TWF2: variants seen among roughly 807,000 people sequenced by gnomAD.
TWF2 encodes twinfilin actin binding protein 2.
TWF2 carries 15 observed loss-of-function variants against 45.1 expected under a neutral mutation model. That is an observed-to-expected ratio of 0.33 (90% CI 0.22 to 0.51). The LOEUF (loss-of-function observed/expected upper bound fraction) is 0.51, where lower values mean the gene tolerates loss of function less well. Ranked by LOEUF, TWF2 falls within the 20% of genes least tolerant of loss-of-function variation. The probability of loss-of-function intolerance (pLI) is 0.97; values close to 1 mark genes in which losing one functional copy is unlikely to be tolerated. For missense variants in TWF2, 423 were observed against 469.1 expected (o/e 0.90, Z 0.91); for synonymous variants, 177 against 195.8 (o/e 0.90, Z 0.80).
At chr3:52,233,101 G>C (rs1042125441) in intron 2 of TWF2, among the ~76,000 whole-genome samples, 1 of 152,224 alleles carries the variant, frequency 6.6e-6, no homozygotes, top group African/African-American at 2.4e-5. Context: ...GCTGAAATGG[G>C]GCATCCAGCT....
intron 1 of TWF2, among the ~76,000 whole-genome samples, chr3:52,236,671 C>T (rs1292794314): frequency 6.6e-6 from 1 of 152,152 alleles, no homozygotes; most frequent in Admixed American, 6.5e-5. Context: ...CTCAGGTGCC[C>T]CCCCTTTGCA....
intron 3 of TWF2, 48 bp downstream of exon 3, chr3:52,231,896 G>A: frequency 6.3e-7 from 1 of 1,583,346 alleles, no homozygotes; most frequent in Non-Finnish European, 8.6e-7. Flanking sequence ...CTTGTTGCCT[G>A]GCTCAGCCCC....
chr3:52,229,575 C>T, intron 8 of TWF2, 86 bp downstream of exon 8: 5 of 1,558,394 alleles, frequency 3.2e-6, no homozygotes, highest in Non-Finnish European at 4.3e-6. Context: ...GATTCCTGCT[C>T]TGCCGTCATC....
intron 1 of TWF2, among the ~76,000 whole-genome samples, chr3:52,236,357 G>C (rs748917385): frequency 3.3e-4 from 50 of 152,042 alleles, no homozygotes; most frequent in Non-Finnish European, 6.2e-4. Flanking sequence ...AGAGCTGGAA[G>C]GTGAGAGCCA....
At chr3:52,232,546 CAGA>C (rs1247347573) in intron 2 of TWF2, among the ~76,000 whole-genome samples, 1 of 152,116 alleles carries the variant, frequency 6.6e-6, no homozygotes, top group Non-Finnish European at 1.5e-5. Flanking sequence ...GGGGCTCCAG[CAGA>C]AGAACCGCAG....
At chr3:52,234,004 C>T (rs1699703493) in intron 2 of TWF2, among the ~76,000 whole-genome samples, 1 of 151,938 alleles carries the variant, frequency 6.6e-6, no homozygotes, top group African/African-American at 2.4e-5. Context: ...AGTACAACTG[C>T]CTTTTTAAGG....
intron 3 of TWF2, 45 bp from the exon 4 acceptor site, chr3:52,231,584 G>T: frequency 1.3e-6 from 2 of 1,573,938 alleles, no homozygotes; most frequent in Non-Finnish European, 8.6e-7. Flanking sequence ...GGGCAGGGCT[G>T]CCTCTCCCGG....
In TWF2 at chr3:52,228,809, A is replaced by C. The variant is rs1699649612; in HGVS notation, c.*225T>G. The stretch of plus-strand genomic sequence containing the variant: ...CCCAGCCCCCTTAAGCCAGCCAGGC[A>C]GGGTCCCCGGACACCCTGGGCACAC... On this transcript the variant is annotated 3_prime_UTR_variant, in exon 9 of 9. Coordinates refer to ENST00000305533, the MANE Select transcript of TWF2 (RefSeq NM_007284.4). 3.0e-6 allele frequency: 2 copies of C among 663,758 alleles called. No homozygotes were observed. The highest frequency in any genetic ancestry group is 3.7e-5 in the African/African-American group (2 of 54,308). The allele number at this position is 663,758 out of a possible 1,614,324, so 41.1% of individuals were successfully genotyped here.
intron 2 of TWF2, chr3:52,232,348 G>A (rs887324556): frequency 2.2e-5 from 13 of 585,630 alleles, no homozygotes; most frequent in South Asian, 1.0e-4. Flanking sequence ...CATCCCCAGC[G>A]CGTGCACACA....
chr3:52,238,410 A>G (rs953509241), intron 1 of TWF2, among the ~76,000 whole-genome samples: 1 of 152,180 alleles, frequency 6.6e-6, no homozygotes, highest in Non-Finnish European at 1.5e-5. Flanking sequence ...TTCTCCTAAC[A>G]CACATAAACA....
Position 52,228,631 on chromosome 3 carries a change from T to C in TWF2, c.*403A>G, listed in dbSNP as rs1410203477. ...CAAGTCTTGATTTAAAAATATTTTA[T>C]TCTTTAGAAAATACAGCATTCAACC... On this transcript the variant is annotated 3_prime_UTR_variant, in exon 9 of 9. Coordinates refer to ENST00000305533, the MANE Select transcript of TWF2 (RefSeq NM_007284.4). The C allele has an allele frequency of 5.6e-6, 1 of 177,848 alleles. No individual in the cohort carries two copies. The highest frequency in any genetic ancestry group is 1.2e-5 in the Non-Finnish European group (1 of 84,380). 11.0% of individuals were successfully genotyped at this position (177,848 alleles called of 1,614,324 possible).
intron 1 of TWF2, 60 bp downstream of exon 1, chr3:52,238,932 G>GGT (rs1553616991): frequency 1.5e-5 from 23 of 1,562,790 alleles, no homozygotes; most frequent in Middle Eastern, 2.0e-4. Flanking sequence ...CGAGAGCCGG[G>GGT]GGGGGGCGCT....
chr3:52,230,526 TCTCTGACAGGAAGGGC>T (rs1311592249), intron 6 of TWF2, among the ~76,000 whole-genome samples: 1 of 151,964 alleles, frequency 6.6e-6, no homozygotes, highest in Non-Finnish European at 1.5e-5. Flanking sequence ...ACAGAGGGGA[TCTCTGACAGGAAGGGC>T]CTCGGGGCTG....
In TWF2 at chr3:52,230,087, G is replaced by T; in HGVS notation, c.610-17C>A. On this transcript the variant is annotated splice_polypyrimidine_tract_variant and intron_variant, in intron 6 of 8. Coordinates refer to ENST00000305533, the MANE Select transcript of TWF2 (RefSeq NM_007284.4). ...GTCCAGCTTCTGCCCAGGGCCAAGG[G>T]AAGATGGGAGAGCACCAGGTCGGGG... 6.4e-7 allele frequency: 1 copy of T among 1,561,688 alleles called. No individual in the cohort carries two copies. Among genetic ancestry groups the T allele is most frequent in the East Asian group, 2.3e-5 (1 of 43,770 alleles).
At chr3:52,237,931 C>CT (rs1238109965) in intron 1 of TWF2, among the ~76,000 whole-genome samples, 1 of 152,244 alleles carries the variant, frequency 6.6e-6, no homozygotes, top group African/African-American at 2.4e-5. Context: ...GCCAGGCTGT[C>CT]TGGGCAAACA....
At chr3:52,232,358 A>ACCCC (rs1019674779) in intron 2 of TWF2, 3 of 556,228 alleles carry the variant, frequency 5.4e-6, no homozygotes, top group Admixed American at 3.4e-5. Context: ...GCGTGCACAC[A>ACCCC]CCCCCCCACA....
chr3:52,235,022 C>A lies in TWF2; in HGVS notation c.103+7G>T, dbSNP rs1468626282. On this transcript the variant is annotated splice_region_variant and intron_variant, in intron 2 of 8. Transcript: ENST00000305533. Reference sequence around the variant, plus strand: ...AGCCTATACCCTGGCCTGTGAGGGGCACTCACCGTCCTCAATCACAACCTT... The same window carrying A: ...AGCCTATACCCTGGCCTGTGAGGGGAACTCACCGTCCTCAATCACAACCTT... 1 of 1,613,388 alleles carries A rather than the reference C, an allele frequency of 6.2e-7. No homozygotes were observed. Among genetic ancestry groups the A allele is most frequent in the South Asian group, 1.1e-5 (1 of 91,074 alleles).
chr3:52,235,616 G>C (rs942299572), intron 1 of TWF2, among the ~76,000 whole-genome samples: 2 of 152,212 alleles, frequency 1.3e-5, no homozygotes, highest in Admixed American at 6.5e-5. Context: ...TGTGACAGAG[G>C]AGCAGAAATT....
At chr3:52,230,849 G>C (rs1378127523) in intron 6 of TWF2, 21 bp downstream of exon 6, 1 of 1,608,518 alleles carries the variant, frequency 6.2e-7, no homozygotes, top group East Asian at 2.2e-5. Context: ...GCATGTGCCA[G>C]GGTAGGGAGC....
Sources: allele counts gnomAD v4.1 joint callset (sites outside exome capture counted in the v4.1 genomes callset), GRCh38; gene constraint gnomAD v4.1.1; transcripts MANE v1.5; gene names NCBI Gene and HGNC (gene_info 2026-07-23, HGNC 2026-07-21).